Variants in CEP57L1 observed in about 807,000 individuals in gnomAD.
CEP57L1 encodes centrosomal protein 57 like 1, also known as centrosomal protein CEP57L1.
CEP57L1 carries 37 observed loss-of-function variants against 61.0 expected under a neutral mutation model. The ratio of observed to expected loss-of-function variants is 0.61; its 90% CI spans 0.47 to 0.80. CEP57L1 has a LOEUF of 0.80. CEP57L1 is among the 30% of genes least tolerant of loss of function. The pLI, the probability that CEP57L1 is intolerant of heterozygous loss-of-function variation, is 0.00. For synonymous variants in CEP57L1, 137 were observed against 162.3 expected (o/e 0.84, Z 1.19); for missense variants, 422 against 524.7 (o/e 0.80, Z 1.91).
In CEP57L1 at chr6:109,164,936, G is replaced by A. The variant is rs1008526231; in HGVS notation, c.*1966G>A. Among the ~76,000 whole-genome samples the A allele has an allele frequency of 1.3e-5, 2 of 151,980 alleles. No individual in the cohort carries two copies. The highest frequency in any genetic ancestry group is 4.8e-5 in the African/African-American group (2 of 41,400). ...TCTACTAAATTACAAAAATTAGCCGGGTGTGGTGGCGCATGCCTGTAATCC... is the reference window on the plus strand; with the variant it reads ...TCTACTAAATTACAAAAATTAGCCGAGTGTGGTGGCGCATGCCTGTAATCC... On this transcript the variant is annotated 3_prime_UTR_variant, in exon 11 of 11. Transcript: ENST00000517392.
At chr6:109,141,543 A>C (rs1771385343) in intron 1 of CEP57L1, among the ~76,000 whole-genome samples, 1 of 152,132 alleles carries the variant, frequency 6.6e-6, no homozygotes, top group Non-Finnish European at 1.5e-5. Context: ...ATCCCATTGA[A>C]GTATTTATGT....
chr6:109,113,508 G>T (rs1406040790), intron 1 of CEP57L1, among the ~76,000 whole-genome samples: 1 of 152,070 alleles, frequency 6.6e-6, no homozygotes, highest in Non-Finnish European at 1.5e-5. Flanking sequence ...TACTCATCAT[G>T]ACTTTGCATT....
chr6:109,125,707 G>T (rs1773482341), intron 1 of CEP57L1, among the ~76,000 whole-genome samples: 1 of 121,054 alleles, frequency 8.3e-6, no homozygotes, highest in Admixed American at 8.5e-5. Flanking sequence ...TGTCTTGACT[G>T]ATTGATTGAT....
intron 1 of CEP57L1, chr6:109,140,467 T>C (rs1166328777): frequency 6.6e-6 from 1 of 150,408 alleles, no homozygotes; most frequent in African/African-American, 2.4e-5. Context: ...TGGCACGATC[T>C]CGGCTCCCTG....
chr6:109,160,590 G>T lies in CEP57L1; in HGVS notation c.1035G>T (p.Leu345=). ...TTCATAGGGAGCACCAAGAACTACT[G>T]AAACAAATGAAGGAAACTGAAAGTC... ...DQMSMEHQEL[L]KQMKETESHS... is the part of the protein sequence containing the mutation. The change falls in exon 10 of 11, where the codon CTG becomes CTT. Residue 345 remains leucine (L), a synonymous_variant. Transcript: ENST00000517392. 6.2e-7 allele frequency: 1 copy of T among 1,607,062 alleles called. No individual in the cohort carries two copies. Among genetic ancestry groups the T allele is most frequent in the South Asian group, 1.1e-5 (1 of 89,468 alleles).
At position 109,166,706 on chromosome 6, in the gene CEP57L1, T is replaced by A. The variant is rs148273192; in HGVS notation, c.*3736T>A. ...CCTAAATGTGTATTCTTATCCATGA[T>A]AAGAGATCAAAAATTAAATAAAAAT... On this transcript the variant is annotated 3_prime_UTR_variant, in exon 11 of 11. Coordinates refer to ENST00000517392, the MANE Select transcript of CEP57L1 (RefSeq NM_001271852.3). Among the ~76,000 whole-genome samples, 16 of 152,272 alleles carry A rather than the reference T, an allele frequency of 1.1e-4. No homozygotes were observed. Among genetic ancestry groups the A allele is most frequent in the African/African-American group, 3.1e-4 (13 of 41,552 alleles).
chr6:109,157,382 G>A (rs1773316696), intron 7 of CEP57L1: 2 of 152,088 alleles, frequency 1.3e-5, no homozygotes, highest in African/African-American at 4.8e-5. Context: ...GTATCTCTAG[G>A]TGATAAAAAG....
At chr6:109,124,155 G>A (rs1773285769) in intron 1 of CEP57L1, among the ~76,000 whole-genome samples, 1 of 151,802 alleles carries the variant, frequency 6.6e-6, no homozygotes, top group African/African-American at 2.4e-5. Context: ...TGTACTTTGA[G>A]CGTTTGGTTG....
chr6:109,141,846 C>A (rs537289603), intron 1 of CEP57L1, among the ~76,000 whole-genome samples: 1 of 152,194 alleles, frequency 6.6e-6, no homozygotes, highest in Admixed American at 6.5e-5. Context: ...AAAAACAGAT[C>A]AAAGAAACTG....
chr6:109,154,021 A>C (rs899786630), intron 5 of CEP57L1, 72 bp downstream of exon 5: 2 of 794,740 alleles, frequency 2.5e-6, no homozygotes, highest in East Asian at 2.6e-5. Flanking sequence ...TTTTATGTGA[A>C]TGTAGAGTAA....
chr6:109,148,255 C>T (rs1772186598), intron 3 of CEP57L1, among the ~76,000 whole-genome samples: 1 of 152,028 alleles, frequency 6.6e-6, no homozygotes, highest in African/African-American at 2.4e-5. Context: ...TCTTCTAATG[C>T]TATCCCTCCC....
In CEP57L1 at chr6:109,107,299, T is replaced by C. The variant is rs547507509; in HGVS notation, c.-4+11724T>C. 5.3e-5 allele frequency among the ~76,000 whole-genome samples: 8 copies of C among 152,310 alleles called. No homozygotes were observed. The South Asian group carries it at 1.7e-3, about 32-fold the overall frequency. On this transcript the variant is annotated intron_variant, in intron 1 of 10. Transcript: ENST00000517392. ...CATCTGGGCATTTCCCCTTTTTCTT[T>C]TGAGCTTGGCTATATATTTTTTTAA...
At chr6:109,120,926 A>ATG (rs1772893219) in intron 1 of CEP57L1, among the ~76,000 whole-genome samples, 1 of 96,622 alleles carries the variant, frequency 1.0e-5, no homozygotes, top group African/African-American at 3.5e-5. Flanking sequence ...ACACACACAC[A>ATG]CACACACACA....
intron 1 of CEP57L1, among the ~76,000 whole-genome samples, chr6:109,137,688 A>G (rs1042190153): frequency 6.6e-6 from 1 of 152,246 alleles, no homozygotes; most frequent in Admixed American, 6.5e-5. Context: ...TTATTTATTC[A>G]ACAAGTATTT....
intron 1 of CEP57L1, among the ~76,000 whole-genome samples, chr6:109,113,285 C>T (rs1257728817): frequency 6.6e-6 from 1 of 152,014 alleles, no homozygotes; most frequent in Non-Finnish European, 1.5e-5. Flanking sequence ...TCCCCTCTTC[C>T]CCTAACTTTT....
chr6:109,158,256 G>A (rs929091660), intron 7 of CEP57L1: 2 of 168,066 alleles, frequency 1.2e-5, no homozygotes, highest in Admixed American at 1.2e-4. Flanking sequence ...GGGAGGCCAA[G>A]GCGAGTGGAT....
At chr6:109,126,740 T>C (rs1040882960) in intron 1 of CEP57L1, among the ~76,000 whole-genome samples, 2 of 152,236 alleles carry the variant, frequency 1.3e-5, no homozygotes, top group Non-Finnish European at 2.9e-5. Flanking sequence ...AATTCAGCAC[T>C]TGAGTTTATT....
At position 109,166,192 on chromosome 6, in the gene CEP57L1, A is replaced by G. The variant is rs766377551; in HGVS notation, c.*3222A>G. On this transcript the variant is annotated 3_prime_UTR_variant, in exon 11 of 11. Transcript: ENST00000517392. ...GGAAATGTTCAGTTTTCAACAATGT[A>G]AGATTAAAGTGGGAGATACTTAGTA... Among the ~76,000 whole-genome samples, 337 of 152,186 alleles carry G rather than the reference A, an allele frequency of 2.2e-3. 2 individuals carry two copies. The highest frequency in any genetic ancestry group is 4.3e-3 in the Non-Finnish European group (291 of 68,034).
At position 109,171,419 on chromosome 6, in the gene CEP57L1, A is replaced by C. The variant is rs1342086563; in HGVS notation, c.*8449A>C. The stretch of plus-strand genomic sequence containing the variant: ...ACACCCGGCTGTTTTTTTTTTTCGC[A>C]TTTTTAATAGAAACGGGGTTTCACC... On this transcript the variant is annotated 3_prime_UTR_variant, in exon 11 of 11. Coordinates refer to ENST00000517392, the MANE Select transcript of CEP57L1 (RefSeq NM_001271852.3). Among the ~76,000 whole-genome samples the C allele has an allele frequency of 1.3e-5, 2 of 148,302 alleles. No individual in the cohort carries two copies. Among genetic ancestry groups the C allele is most frequent in the Non-Finnish European group, 3.0e-5 (2 of 67,076 alleles).
Sources: allele counts gnomAD v4.1 joint callset (sites outside exome capture counted in the v4.1 genomes callset), GRCh38; gene constraint gnomAD v4.1.1; transcripts MANE v1.5; gene names NCBI Gene and HGNC (gene_info 2026-07-23, HGNC 2026-07-21).